Variants in COL25A1 observed in about 807,000 individuals in gnomAD.
The protein encoded by COL25A1 is collagen alpha-1(XXV) chain.
In COL25A1, 103 loss-of-function variants were observed where a neutral mutation model predicts 128.4. That is an observed-to-expected ratio of 0.80 (90% CI 0.68 to 0.94). COL25A1 has a LOEUF of 0.94. COL25A1 is among the 40% of genes least tolerant of loss of function. COL25A1 has a pLI of 0.00. For synonymous variants in COL25A1, 279 were observed against 277.2 expected (o/e 1.01, Z -0.06); for missense variants, 745 against 840.0 (o/e 0.89, Z 1.40).
chr4:108,980,356 T>G (rs1752851317), intron 6 of COL25A1, among the ~76,000 whole-genome samples: 1 of 152,202 alleles, frequency 6.6e-6, no homozygotes, highest in Non-Finnish European at 1.5e-5. Context: ...TGATTGGACA[T>G]GGGGGCCACT....
chr4:109,109,360 G>A (rs1236399806), intron 3 of COL25A1, among the ~76,000 whole-genome samples: 2 of 152,170 alleles, frequency 1.3e-5, no homozygotes, highest in African/African-American at 4.8e-5. Flanking sequence ...CAGTTCTGGA[G>A]AATATATATT....
chr4:109,162,402 G>A (rs1055817023), intron 3 of COL25A1, among the ~76,000 whole-genome samples: 2 of 152,170 alleles, frequency 1.3e-5, no homozygotes, highest in Admixed American at 6.5e-5. Flanking sequence ...GCAGAAGAGC[G>A]AAAAGAAGTG....
chr4:108,942,339 C>T (rs1305976672), intron 8 of COL25A1: 16 of 1,370,390 alleles, frequency 1.2e-5, no homozygotes, highest in Non-Finnish European at 1.6e-5. Flanking sequence ...AGGGGACAAA[C>T]AAAACAAGCA....
At chr4:108,833,003 AGC>A (rs1338437070) in intron 31 of COL25A1, among the ~76,000 whole-genome samples, 1 of 151,968 alleles carries the variant, frequency 6.6e-6, no homozygotes, top group Non-Finnish European at 1.5e-5. Context: ...AAATAAATAA[AGC>A]ATCTTCACTT....
intron 22 of COL25A1, 120 bp downstream of exon 22, chr4:108,862,381 C>T: frequency 2.6e-6 from 2 of 761,170 alleles, no homozygotes; most frequent in Non-Finnish European, 4.7e-6. Context: ...ATAAGTATTG[C>T]AGTTCCACTG....
intron 6 of COL25A1, among the ~76,000 whole-genome samples, chr4:108,995,093 C>G (rs1313702838): frequency 6.6e-6 from 1 of 152,140 alleles, no homozygotes; most frequent in African/African-American, 2.4e-5. Context: ...ACCAACAAGG[C>G]AACAAAACTG....
chr4:109,034,163 C>A (rs1759123996), intron 5 of COL25A1, among the ~76,000 whole-genome samples: 1 of 152,114 alleles, frequency 6.6e-6, no homozygotes, highest in East Asian at 1.9e-4. Context: ...CCTAAAAGTT[C>A]TCATTATTCT....
At chr4:109,158,682 C>T (rs1246533442) in intron 3 of COL25A1, among the ~76,000 whole-genome samples, 1 of 152,164 alleles carries the variant, frequency 6.6e-6, no homozygotes, top group East Asian at 1.9e-4. Flanking sequence ...GAGCTATGTA[C>T]ATGGTACTGT....
chr4:108,986,168 G>C (rs1753654361), intron 6 of COL25A1, among the ~76,000 whole-genome samples: 1 of 152,120 alleles, frequency 6.6e-6, no homozygotes, highest in African/African-American at 2.4e-5. Flanking sequence ...ACAAGCCTCT[G>C]TTGGCCTTAC....
intron 3 of COL25A1, among the ~76,000 whole-genome samples, chr4:109,138,146 C>T (rs1302182213): frequency 1.3e-5 from 2 of 152,008 alleles, no homozygotes; most frequent in Non-Finnish European, 2.9e-5. Context: ...TGCTCCCATC[C>T]CCCTGACAGA....
chr4:109,155,583 G>A (rs921871381), intron 3 of COL25A1, among the ~76,000 whole-genome samples: 4 of 152,192 alleles, frequency 2.6e-5, no homozygotes, highest in African/African-American at 9.7e-5. Flanking sequence ...CAGAGGTCTT[G>A]CTACATAGAA....
At chr4:108,884,277 G>A in intron 18 of COL25A1, 55 bp from the exon 19 acceptor site, 2 of 1,500,216 alleles carry the variant, frequency 1.3e-6, no homozygotes. Context: ...GTCACAATAT[G>A]TGGAGAAAAA....
chr4:108,911,420 G>A (rs970723685), intron 13 of COL25A1, among the ~76,000 whole-genome samples: 1 of 68,206 alleles, frequency 1.5e-5, no homozygotes, highest in African/African-American at 3.3e-5. Context: ...ATAATACTTC[G>A]CAATACTCTA....
intron 13 of COL25A1, among the ~76,000 whole-genome samples, chr4:108,902,597 A>C (rs1347681529): frequency 6.6e-6 from 1 of 152,050 alleles, no homozygotes; most frequent in Non-Finnish European, 1.5e-5. Context: ...TGATTTTTAA[A>C]TATCTACCAG....
At chr4:109,152,790 C>T (rs985881741) in intron 3 of COL25A1, among the ~76,000 whole-genome samples, 3 of 152,086 alleles carry the variant, frequency 2.0e-5, no homozygotes, top group Non-Finnish European at 4.4e-5. Context: ...TTGTATGATT[C>T]AATTTATATG....
At chr4:109,183,887 C>T (rs1278063131) in intron 3 of COL25A1, among the ~76,000 whole-genome samples, 1 of 149,524 alleles carries the variant, frequency 6.7e-6, no homozygotes, top group African/African-American at 2.5e-5. Context: ...TTTATGAAGC[C>T]CATATTACTT....
chr4:108,933,851 GAC>G (rs3065581), intron 11 of COL25A1, among the ~76,000 whole-genome samples: 5,880 of 148,670 alleles, frequency 0.04, 183 homozygotes, highest in African/African-American at 0.062. Context: ...CAAGTTCACA[GAC>G]ACACACACAC....
At chr4:108,988,612 C>T (rs1390558584) in intron 6 of COL25A1, among the ~76,000 whole-genome samples, 5 of 152,166 alleles carry the variant, frequency 3.3e-5, no homozygotes, top group Admixed American at 2.6e-4. Context: ...GCTCCTGTTT[C>T]CCTCCTCCCT....
chr4:108,970,494 G>A (rs1189150179), intron 8 of COL25A1, among the ~76,000 whole-genome samples: 1 of 152,110 alleles, frequency 6.6e-6, no homozygotes, highest in Non-Finnish European at 1.5e-5. Context: ...TTTGAAATAT[G>A]TATACATCAT....
Sources: gnomAD v4.1 joint callset for allele counts (sites outside exome capture counted in the v4.1 genomes callset) on GRCh38, gnomAD v4.1.1 for gene constraint, MANE v1.5 for transcripts, NCBI Gene and HGNC (gene_info 2026-07-23, HGNC 2026-07-21) for gene names.